SPTLC1: variants seen among roughly 807,000 people sequenced by gnomAD.
SPTLC1 encodes the protein serine palmitoyltransferase long chain base subunit 1.
In SPTLC1, 55 loss-of-function variants were observed where a neutral mutation model predicts 68.9. The observed-to-expected ratio is 0.80, with a 90% CI of 0.64 to 1.00. The LOEUF (loss-of-function observed/expected upper bound fraction) is 1.00, where lower values mean the gene tolerates loss of function less well. Ranked by LOEUF, SPTLC1 falls within the 50% of genes least tolerant of loss-of-function variation. SPTLC1 has a pLI of 0.00. For missense variants in SPTLC1, 449 were observed against 573.1 expected (o/e 0.78, Z 2.21); for synonymous variants, 197 against 201.6 (o/e 0.98, Z 0.19).
intron 3 of SPTLC1, among the ~76,000 whole-genome samples, chr9:92,084,320 A>C (rs984203207): frequency 9.2e-5 from 14 of 151,554 alleles, no homozygotes; most frequent in Non-Finnish European, 3.0e-5. Context: ...GTCTTGTGCC[A>C]GTTTTCAAAG....
rs1833691649 is a variant in SPTLC1 at position 92,051,136 on chromosome 9, C to T, written c.781-1069G>A. ...ATTCTATCAACCATTGACACTCTTA[C>T]AAAAACAAAAAGAAGAAAACAAATA... is the stretch of plus-strand genomic sequence containing the variant. On this transcript the variant is annotated intron_variant, in intron 8 of 14. Transcript: ENST00000262554. 4.1e-6 allele frequency: 4 copies of T among 984,816 alleles called. No individual in the cohort carries two copies. In the South Asian group the frequency reaches 1.4e-4, roughly 35 times the overall value. 61.0% of individuals were successfully genotyped at this position (984,816 alleles called of 1,614,324 possible). A position where few individuals can be genotyped will look rare whatever the true frequency, so the allele number is the denominator to read the frequency against.
intron 7 of SPTLC1, among the ~76,000 whole-genome samples, chr9:92,056,206 T>C (rs1403318842): frequency 6.6e-6 from 1 of 152,180 alleles, no homozygotes; most frequent in Non-Finnish European, 1.5e-5. Context: ...TGTCCAATGA[T>C]GTTCCCAGGT....
intron 3 of SPTLC1, among the ~76,000 whole-genome samples, chr9:92,082,115 T>C (rs1406004658): frequency 6.6e-6 from 1 of 152,170 alleles, no homozygotes; most frequent in Non-Finnish European, 1.5e-5. Flanking sequence ...TTCTTCATCA[T>C]TAAAGTAGGG....
intron 3 of SPTLC1, among the ~76,000 whole-genome samples, chr9:92,089,003 G>C (rs1368541649): frequency 6.6e-6 from 1 of 152,230 alleles, no homozygotes; most frequent in Non-Finnish European, 1.5e-5. Flanking sequence ...CCATGAGTGA[G>C]AGTCAGGATA....
intron 3 of SPTLC1, among the ~76,000 whole-genome samples, chr9:92,083,850 A>G (rs1419081019): frequency 6.6e-6 from 1 of 152,182 alleles, no homozygotes; most frequent in Non-Finnish European, 1.5e-5. Flanking sequence ...CATTTTCACA[A>G]TATTGATTCT....
At chr9:92,089,425 C>CA (rs1190402039) in intron 3 of SPTLC1, among the ~76,000 whole-genome samples, 1 of 151,444 alleles carries the variant, frequency 6.6e-6, no homozygotes, top group Admixed American at 6.6e-5. Flanking sequence ...AAAACAAAAA[C>CA]AAAAAAGGAC....
rs1305311997 is a variant in SPTLC1 at position 92,055,448 on chromosome 9, CCTT to C, written c.734_736del (p.Glu245del). The C allele has an allele frequency of 6.2e-7, 1 of 1,613,670 alleles. No individual in the cohort carries two copies. The highest frequency in any genetic ancestry group is 2.2e-5 in the East Asian group (1 of 44,896). On this transcript the variant is annotated inframe_deletion, in exon 8 of 15. Coordinates refer to ENST00000262554, the MANE Select transcript of SPTLC1 (RefSeq NM_006415.4). Reference sequence around the variant, plus strand: ...AATAGTTCCAGTATTCATATACAATCCTTCTACTACAATGAAACGCCGAGTTAC... The same window carrying C: ...AATAGTTCCAGTATTCATATACAATCCTACTACAATGAAACGCCGAGTTAC...
chr9:92,062,479 A>C (rs77701188), intron 6 of SPTLC1, among the ~76,000 whole-genome samples: 7,650 of 152,280 alleles, frequency 0.05, 252 homozygotes, highest in Middle Eastern at 0.065. Flanking sequence ...AGAAGAACCC[A>C]AAAACACCAT....
intron 3 of SPTLC1, among the ~76,000 whole-genome samples, chr9:92,105,973 T>A (rs1041179907): frequency 6.6e-6 from 1 of 151,286 alleles, no homozygotes; most frequent in Non-Finnish European, 1.5e-5. Context: ...CCGTCCCATC[T>A]GGGAAGTGAG....
At chr9:92,090,830 C>A (rs1835336038) in intron 3 of SPTLC1, among the ~76,000 whole-genome samples, 1 of 152,134 alleles carries the variant, frequency 6.6e-6, no homozygotes, top group South Asian at 2.1e-4. Flanking sequence ...CGTAACCAAG[C>A]TGACAGGCCC....
intron 5 of SPTLC1, among the ~76,000 whole-genome samples, chr9:92,077,284 G>T (rs1394943692): frequency 6.6e-6 from 1 of 152,018 alleles, no homozygotes. Flanking sequence ...GGCTAGACAG[G>T]AAATCCACTA....
At chr9:92,036,316 C>T (rs1028379058) in intron 13 of SPTLC1, among the ~76,000 whole-genome samples, 1 of 152,224 alleles carries the variant, frequency 6.6e-6, no homozygotes, top group African/African-American at 2.4e-5. Flanking sequence ...TCTTTCATTA[C>T]GTGGCTAATT....
chr9:92,079,853 C>CTA, intron 5 of SPTLC1, 163 bp downstream of exon 5: 1 of 721,742 alleles, frequency 1.4e-6, no homozygotes, highest in Non-Finnish European at 2.5e-6. Flanking sequence ...CAGGGTCTCC[C>CTA]TATATTGCCC....
intron 7 of SPTLC1, among the ~76,000 whole-genome samples, chr9:92,057,268 G>A (rs1327111324): frequency 6.6e-6 from 1 of 152,020 alleles, no homozygotes; most frequent in African/African-American, 2.4e-5. Context: ...GGATTTAGTT[G>A]TTTCCTTCAT....
In SPTLC1 at chr9:92,112,396, A is replaced by G. The variant is rs1286705982; in HGVS notation, c.165+59T>C. On this transcript the variant is annotated intron_variant, in intron 2 of 14. Coordinates refer to ENST00000262554, the MANE Select transcript of SPTLC1 (RefSeq NM_006415.4). ...TTGAGCCACCACAAATCCTTTCTGG[A>G]AAGACATAGCAACTATAATCACATA... The G allele has an allele frequency of 3.3e-6, 4 of 1,223,024 alleles. No individual in the cohort carries two copies. The East Asian group carries it at 9.3e-5, about 28-fold the overall frequency. The allele number at this position is 1,223,024 out of a possible 1,614,324, so 75.8% of individuals were successfully genotyped here.
intron 13 of SPTLC1, among the ~76,000 whole-genome samples, chr9:92,037,847 C>T (rs967356474): frequency 1.3e-5 from 2 of 152,126 alleles, no homozygotes; most frequent in African/African-American, 4.8e-5. Flanking sequence ...GACAGCCAGC[C>T]GTCCAGGAAT....
rs1284759359 is a variant in SPTLC1 at position 92,046,041 on chromosome 9, A to G, written c.1094T>C (p.Val365Ala). 1 of 1,613,406 alleles carries G rather than the reference A, an allele frequency of 6.2e-7. No homozygotes were observed. The highest frequency in any genetic ancestry group is 2.2e-5 in the East Asian group (1 of 44,846). The stretch of plus-strand genomic sequence containing the variant: ...AATTTGTCCGCACTTTTCCTTCAAC[A>G]CTGCAAAAATACCTAGATGAAAAAA... ...IMEENPGIFA[V>A]LKEKCGQIHK... The change falls in exon 12 of 15, where the codon GTG (valine) becomes GCG (alanine). Residue 365 changes from valine to alanine, a missense_variant. Val to Ala is a moderately conservative substitution (Grantham distance 64). Around this residue, in one of 3 missense-constraint regions of SPTLC1, gnomAD observed 391 missense variants for 472.1 expected, o/e 0.83. Transcript: ENST00000262554.
intron 6 of SPTLC1, among the ~76,000 whole-genome samples, chr9:92,065,972 CA>C (rs1834265468): frequency 6.6e-6 from 1 of 152,108 alleles, no homozygotes; most frequent in Non-Finnish European, 1.5e-5. Flanking sequence ...AGCAAGAGGC[CA>C]GTGCAGGGCT....
At position 92,059,204 on chromosome 9, in the gene SPTLC1, T is replaced by G; in HGVS notation, c.665A>C (p.Lys222Thr). The change falls in exon 7 of 15, where the codon AAA becomes ACA. Residue 222 changes from lysine (K) to threonine (T), a missense_variant. Lys to Thr is a moderately conservative substitution (Grantham distance 78). This residue lies in a region of SPTLC1 where 391 missense variants were observed against 472.1 expected (regional missense o/e 0.83). Coordinates refer to ENST00000262554, the MANE Select transcript of SPTLC1 (RefSeq NM_006415.4). Reference protein sequence around the residue: ...NDMADLERLLKEQEIEDQKNP... With the variant: ...NDMADLERLLTEQEIEDQKNP... ...CTTTTGATCTTCGATCTCTTGTTCT[T>G]TTAGTAGTCGCTCGAGGTCAGCCAT... The G allele has an allele frequency of 6.2e-7, 1 of 1,613,976 alleles. No homozygotes were observed.
Sources: gnomAD v4.1 joint callset for allele counts (sites outside exome capture counted in the v4.1 genomes callset) on GRCh38, gnomAD v4.1.1 for gene constraint, gnomAD v4.1.1 regional missense constraint, MANE v1.5 for transcripts, NCBI Gene and HGNC (gene_info 2026-07-23, HGNC 2026-07-21) for gene names.